TMEM252: variants seen among roughly 807,000 people sequenced by gnomAD.
The protein encoded by TMEM252 is transmembrane protein C9orf71.
TMEM252 carries 4 observed loss-of-function variants against 6.4 expected under a neutral mutation model. That is an observed-to-expected ratio of 0.62 (90% CI 0.31 to 1.43). The LOEUF (loss-of-function observed/expected upper bound fraction) is 1.43, where lower values mean the gene tolerates loss of function less well. TMEM252 is among the 40% of genes most tolerant of loss of function. TMEM252 has a pLI of 0.07. For synonymous variants in TMEM252, 85 were observed against 82.5 expected (o/e 1.03, Z -0.17); for missense variants, 207 against 209.4 (o/e 0.99, Z 0.07).
rs1003564713 is a variant in TMEM252 at position 68,540,815 on chromosome 9, C to A, written c.-1G>T. ...GAATGAGGCCAGTTCTGTTCTGCAT[C>A]CTTGCACCTTAGGAACCCAGCACCC... On this transcript the variant is annotated 5_prime_UTR_variant, in exon 1 of 2. Coordinates refer to ENST00000377311, the MANE Select transcript of TMEM252 (RefSeq NM_153237.2). 3 of 1,612,448 alleles carry A rather than the reference C, an allele frequency of 1.9e-6. No individual in the cohort carries two copies. Among genetic ancestry groups the A allele is most frequent in the Non-Finnish European group, 1.7e-6 (2 of 1,178,972 alleles).
intron 1 of TMEM252, 24 bp downstream of exon 1, chr9:68,540,513 G>C (rs1023422480): frequency 6.2e-7 from 1 of 1,610,430 alleles, no homozygotes; most frequent in African/African-American, 1.3e-5. Context: ...GCCCTTCTTG[G>C]TCCCTCTGCC....
At position 68,537,509 on chromosome 9, in the gene TMEM252, G is replaced by C. The variant is rs542582120; in HGVS notation, c.279-16C>G. ...AAAGTCTGGCCTAGGGGACAAAACA[G>C]CATAAACATGCGTGCGTTATTTAGG... On this transcript the variant is annotated splice_polypyrimidine_tract_variant and intron_variant, in intron 1 of 1. Transcript: ENST00000377311. 103 of 1,584,906 alleles carry C rather than the reference G, an allele frequency of 6.5e-5. 2 individuals carry two copies. The South Asian group carries it at 1.1e-3, about 17-fold the overall frequency.
rs1216745103 is a variant in TMEM252 at position 68,537,371 on chromosome 9, T to A, written c.401A>T (p.Gln134Leu). The A allele has an allele frequency of 2.4e-5, 38 of 1,608,318 alleles. No individual in the cohort carries two copies. The highest frequency in any genetic ancestry group is 3.1e-5 in the Non-Finnish European group (36 of 1,178,172). Residue 134 changes from glutamine to leucine, a missense_variant, in exon 2 of 2, where the codon CAG becomes CTG. Coordinates refer to ENST00000377311, the MANE Select transcript of TMEM252 (RefSeq NM_153237.2). ...CTCTGGGTGGGAGTCATTTCCATCC[T>A]GGAATTCCAGGCCCGTCTCTGTATA... ...PLYTETGLEF[Q>L]DGNDSHPEAP...
Position 68,537,470 on chromosome 9 carries a change from T to A in TMEM252, c.302A>T (p.Tyr101Phe), listed in dbSNP as rs748516182. The change falls in exon 2 of 2, where the codon TAT becomes TTT. Residue 101 changes from tyrosine (Y) to phenylalanine (F), a missense_variant. Coordinates refer to ENST00000377311, the MANE Select transcript of TMEM252 (RefSeq NM_153237.2). ...VDRPDFYPPA[Y>F]EESLEVEKQS... ...CTTTTCCACCTCAAGGCTCTCTTCA[T>A]AAGCTGGAGGGTAAAAGTCTGGCCT... 6.2e-7 allele frequency: 1 copy of A among 1,600,186 alleles called. No individual in the cohort carries two copies. Among genetic ancestry groups the A allele is most frequent in the Non-Finnish European group, 8.5e-7 (1 of 1,176,312 alleles).
Position 68,537,437 on chromosome 9 carries a change from CA to C in TMEM252, c.334del (p.Cys112ValfsTer40). 1 of 1,604,808 alleles carries C rather than the reference CA, an allele frequency of 6.2e-7. No homozygotes were observed. The highest frequency in any genetic ancestry group is 8.5e-7 in the Non-Finnish European group (1 of 1,177,498). On this transcript the variant is annotated frameshift_variant, in exon 2 of 2. Transcript: ENST00000377311. LOFTEE classifies it low-confidence loss of function (END_TRUNC). ...GCCAGAGGCCTCTCTCTCTGCAGGA[CA>C]GCTCTGCTTTTCCACCTCAAGGCTC... ...EESLEVEKQSCPAEREASGIP... is the reference protein window; with the variant it reads ...EESLEVEKQSXPAEREASGIP...
chr9:68,537,779 AG>A (rs2132128274), intron 1 of TMEM252, among the ~76,000 whole-genome samples: 1 of 152,316 alleles, frequency 6.6e-6, no homozygotes, highest in East Asian at 1.9e-4. Context: ...TCATGAAAAC[AG>A]GGCCATTCAG....
chr9:68,540,549 G>A lies in TMEM252; in HGVS notation c.266C>T (p.Ala89Val). The A allele has an allele frequency of 6.2e-7, 1 of 1,614,054 alleles. No homozygotes were observed. The highest frequency in any genetic ancestry group is 8.5e-7 in the Non-Finnish European group (1 of 1,179,956). ...QHLAHGALPV[A>V]TVDRPDFYPP... ...TGTCAGCACGTACCTGTCTACTGTGGCCACGGGCAGGGCCCCATGAGCAAG... is the reference window on the plus strand; with the variant it reads ...TGTCAGCACGTACCTGTCTACTGTGACCACGGGCAGGGCCCCATGAGCAAG... The change falls in exon 1 of 2, where the codon GCC (alanine) becomes GTC (valine). Residue 89 changes from alanine (A) to valine (V), a missense_variant. Ala to Val is a moderately conservative substitution (Grantham distance 64, BLOSUM62 0). Coordinates refer to ENST00000377311, the MANE Select transcript of TMEM252 (RefSeq NM_153237.2).
chr9:68,540,362 C>T (rs148811686), intron 1 of TMEM252, among the ~76,000 whole-genome samples, 175 bp downstream of exon 1: 39 of 152,258 alleles, frequency 2.6e-4, no homozygotes, highest in African/African-American at 6.7e-4. Flanking sequence ...CCAAAGATGG[C>T]GCCACTCTTC....
Position 68,540,553 on chromosome 9 carries a change from C to T in TMEM252, c.262G>A (p.Val88Met), listed in dbSNP as rs137898990. 95 of 1,613,974 alleles carry T rather than the reference C, an allele frequency of 5.9e-5. No homozygotes were observed. Among genetic ancestry groups the T allele is most frequent in the Non-Finnish European group, 6.9e-5 (82 of 1,179,964 alleles). Residue 88 changes from valine to methionine, a missense_variant, in exon 1 of 2, where the codon GTG (valine) becomes ATG (methionine). Transcript: ENST00000377311. Reference sequence around the variant, plus strand: ...AGCACGTACCTGTCTACTGTGGCCACGGGCAGGGCCCCATGAGCAAGGTGT... The same window carrying T: ...AGCACGTACCTGTCTACTGTGGCCATGGGCAGGGCCCCATGAGCAAGGTGT... ...RQHLAHGALP[V>M]ATVDRPDFYP...
chr9:68,540,651 A>G lies in TMEM252; in HGVS notation c.164T>C (p.Leu55Pro). 5.6e-6 allele frequency: 9 copies of G among 1,614,124 alleles called. No individual in the cohort carries two copies. The highest frequency in any genetic ancestry group is 6.8e-6 in the Non-Finnish European group (8 of 1,180,014). ...LLLPLGFVILLSGIFWSNYRQ... is the reference protein window; with the variant it reads ...LLLPLGFVILPSGIFWSNYRQ... ...ATAGTTGCTCCAGAAAATTCCACTC[A>G]GAAGGATCACAAACCCCAGAGGCAG... is the stretch of plus-strand genomic sequence containing the variant. Residue 55 changes from leucine (L) to proline (P), a missense_variant, in exon 1 of 2, where the codon CTG becomes CCG. By Grantham distance (98) the Leu-to-Pro change is moderately conservative (BLOSUM62 -3). Transcript: ENST00000377311.
In TMEM252 at chr9:68,540,399, T is replaced by C. The variant is rs923082508; in HGVS notation, c.278+138A>G. 3.9e-6 allele frequency: 5 copies of C among 1,273,654 alleles called. No homozygotes were observed. In the African/African-American group the frequency reaches 7.5e-5, roughly 19 times the overall value. 78.9% of individuals were successfully genotyped at this position (1,273,654 alleles called of 1,614,324 possible). ...TAATAACAACCCCAGAGTAATTCCC[T>C]GACAATAAAGCTTTGGTTCTAGACA... On this transcript the variant is annotated intron_variant, in intron 1 of 1. Transcript: ENST00000377311.
chr9:68,537,461 C>G lies in TMEM252; in HGVS notation c.311G>C (p.Ser104Thr). 6.2e-7 allele frequency: 1 copy of G among 1,602,800 alleles called. No homozygotes were observed. Among genetic ancestry groups the G allele is most frequent in the Non-Finnish European group, 8.5e-7 (1 of 1,177,092 alleles). The change falls in exon 2 of 2, where the codon AGC becomes ACC. Residue 104 changes from serine to threonine, a missense_variant. Physicochemically the swap from Ser to Thr is moderately conservative, Grantham distance 58. Transcript: ENST00000377311. ...ACAGCTCTGCTTTTCCACCTCAAGG[C>G]TCTCTTCATAAGCTGGAGGGTAAAA... ...PDFYPPAYEE[S>T]LEVEKQSCPA...
In TMEM252 at chr9:68,537,049, T is replaced by C; in HGVS notation, c.*210A>G. The C allele has an allele frequency of 1.9e-6, 1 of 514,090 alleles. No homozygotes were observed. The highest frequency in any genetic ancestry group is 3.4e-6 in the Non-Finnish European group (1 of 297,038). The allele number at this position is 514,090 out of a possible 1,614,324, so 31.8% of individuals were successfully genotyped here. ...GTGTGAATGCTCTGAAATGTCTGCT[T>C]GGTGTTGGCCACACCCTTCCAGGGC... On this transcript the variant is annotated 3_prime_UTR_variant, in exon 2 of 2. Coordinates refer to ENST00000377311, the MANE Select transcript of TMEM252 (RefSeq NM_153237.2).
At chr9:68,539,814 AG>A (rs1418561701) in intron 1 of TMEM252, among the ~76,000 whole-genome samples, 4 of 152,238 alleles carry the variant, frequency 2.6e-5, no homozygotes, top group African/African-American at 9.6e-5. Flanking sequence ...CAGATCAAAC[AG>A]TAATTCAATA....
At chr9:68,537,732 G>A (rs1356098912) in intron 1 of TMEM252, among the ~76,000 whole-genome samples, 1 of 152,164 alleles carries the variant, frequency 6.6e-6, no homozygotes, top group African/African-American at 2.4e-5. Context: ...TTCCCAGTGG[G>A]TTATGCCAAG....
chr9:68,539,681 C>T (rs1825180238), intron 1 of TMEM252, among the ~76,000 whole-genome samples: 1 of 152,222 alleles, frequency 6.6e-6, no homozygotes, highest in Non-Finnish European at 1.5e-5. Flanking sequence ...TGTTTATCTA[C>T]TCACCTGTTG....
At position 68,537,142 on chromosome 9, in the gene TMEM252, G is replaced by C. The variant is rs935113971; in HGVS notation, c.*117C>G. ...TTCAGGGCTGTCATCCCCTCCCCAA[G>C]CTCTCTTGTGGGGTCCCTGGTGTGG... is the stretch of plus-strand genomic sequence containing the variant. On this transcript the variant is annotated 3_prime_UTR_variant, in exon 2 of 2. Coordinates refer to ENST00000377311, the MANE Select transcript of TMEM252 (RefSeq NM_153237.2). 1.2e-5 allele frequency: 11 copies of C among 894,432 alleles called. No homozygotes were observed. Among genetic ancestry groups the C allele is most frequent in the Non-Finnish European group, 1.8e-5 (11 of 599,100 alleles). The allele number at this position is 894,432 out of a possible 1,614,324, so 55.4% of individuals were successfully genotyped here.
chr9:68,540,701 C>A lies in TMEM252; in HGVS notation c.114G>T (p.Gly38=). ...GAAGCAAATAGGCCGCAATCAGGCT[C>A]CCCTGACAGTCGAATATGGAGCCCC... ...ISWGSIFDCQ[G]SLIAAYLLLP... Residue 38 remains glycine, a synonymous_variant, in exon 1 of 2, where the codon GGG becomes GGT. Transcript: ENST00000377311. 2 of 1,614,108 alleles carry A rather than the reference C, an allele frequency of 1.2e-6. No individual in the cohort carries two copies. The highest frequency in any genetic ancestry group is 1.7e-6 in the Non-Finnish European group (2 of 1,179,996).
chr9:68,540,409 G>A (rs1825189337), intron 1 of TMEM252, 128 bp downstream of exon 1: 3 of 1,330,378 alleles, frequency 2.3e-6, no homozygotes, highest in East Asian at 2.4e-5. Flanking sequence ...TGACAATAAA[G>A]CTTTGGTTCT....
Sources: allele counts gnomAD v4.1 joint callset (sites outside exome capture counted in the v4.1 genomes callset), GRCh38; gene constraint gnomAD v4.1.1; transcripts MANE v1.5; gene names NCBI Gene and HGNC (gene_info 2026-07-23, HGNC 2026-07-21).